Variants in CLEC12A observed in about 807,000 individuals in gnomAD.
CLEC12A encodes the protein C-type lectin domain family 12 member A.
CLEC12A carries 22 observed loss-of-function variants against 26.5 expected under a neutral mutation model. That is an observed-to-expected ratio of 0.83 (90% CI 0.59 to 1.19). CLEC12A has a LOEUF of 1.19. Among genes scored for constraint, CLEC12A ranks in the 50% most tolerant of loss-of-function variants. The pLI is 0.00. For synonymous variants in CLEC12A, 119 were observed against 101.9 expected (o/e 1.17, Z -1.01); for missense variants, 353 against 315.6 (o/e 1.12, Z -0.90).
chr12:9,993,114 A>G, intron 4 of CLEC12A: 1 of 1,588,972 alleles, frequency 6.3e-7, no homozygotes, highest in Non-Finnish European at 8.6e-7. Flanking sequence ...TAAAGCCCTT[A>G]TCTGTGTTAT....
intron 5 of CLEC12A, chr12:9,984,125 A>G (rs944882150): frequency 1.1e-4 from 20 of 174,110 alleles, no homozygotes; most frequent in African/African-American, 3.1e-4. Context: ...GTGTGTGTGT[A>G]TATATATCTT....
downstream of CLEC12A, chr12:9,997,117 C>G: frequency 6.2e-7 from 1 of 1,611,482 alleles, no homozygotes; most frequent in Non-Finnish European, 8.5e-7. Context: ...GAGAAATGCT[C>G]CAGGGGTTGG....
chr12:9,963,541 C>T (rs2961535), intron 1 of CLEC12A, among the ~76,000 whole-genome samples: 84,462 of 151,188 alleles, frequency 0.56, 23,931 homozygotes, highest in South Asian at 0.68. Context: ...ATAGTGGAGG[C>T]AGAAAGTCTT....
downstream of CLEC12A, among the ~76,000 whole-genome samples, chr12:9,995,916 T>A (rs766754610): frequency 6.6e-6 from 1 of 152,188 alleles, no homozygotes; most frequent in Non-Finnish European, 1.5e-5. Context: ...TCTTACTAAC[T>A]GCATAGGTCC....
chr12:9,973,047 T>A (rs1864188622), intron 1 of CLEC12A, among the ~76,000 whole-genome samples: 1 of 152,212 alleles, frequency 6.6e-6, no homozygotes, highest in South Asian at 2.1e-4. Flanking sequence ...CTTAATCTCA[T>A]CTAATTTTCT....
At chr12:9,997,426 T>C (rs1865081275), downstream of CLEC12A, 2 of 700,870 alleles carry the variant, frequency 2.9e-6, no homozygotes, top group African/African-American at 3.6e-5. Flanking sequence ...TTGAAAAGTG[T>C]GGAGGGGCTA....
chr12:9,982,258 A>G (rs761787880), intron 5 of CLEC12A, 129 bp downstream of exon 5: 6 of 597,212 alleles, frequency 1.0e-5, no homozygotes, highest in Middle Eastern at 3.9e-4. Flanking sequence ...CTTTTCTATC[A>G]TGCTTCTTTG....
intron 1 of CLEC12A, among the ~76,000 whole-genome samples, chr12:9,954,205 TAAAAA>T (rs35173002): frequency 7.1e-4 from 46 of 64,438 alleles, no homozygotes; most frequent in African/African-American, 2.3e-3. Context: ...GAATTATCAA[TAAAAA>T]AAAAAAAAAA....
chr12:9,997,894 A>C (rs1381399239), downstream of CLEC12A, among the ~76,000 whole-genome samples: 1 of 152,212 alleles, frequency 6.6e-6, no homozygotes, highest in Non-Finnish European at 1.5e-5. Flanking sequence ...TAGAGAGAAT[A>C]GAATGAGAAA....
At chr12:9,961,589 A>C (rs922525367) in intron 1 of CLEC12A, among the ~76,000 whole-genome samples, 4 of 152,196 alleles carry the variant, frequency 2.6e-5, no homozygotes, top group South Asian at 2.1e-4. Context: ...GAGAAGGCAA[A>C]ATTTGAGGGG....
chr12:9,995,562 G>A, exon 5 of CLEC12A: 1 of 353,658 alleles, frequency 2.8e-6, no homozygotes. Flanking sequence ...ATGATTCAAA[G>A]GAATAAATGT....
intron 1 of CLEC12A, chr12:9,953,473 C>A (rs1863679176): frequency 6.8e-6 from 1 of 147,996 alleles, no homozygotes; most frequent in Non-Finnish European, 1.5e-5. Context: ...GTCAGCCCCC[C>A]CGCCCAGCCA....
intron 1 of CLEC12A, among the ~76,000 whole-genome samples, chr12:9,972,195 C>T (rs547200959): frequency 6.6e-5 from 10 of 150,490 alleles, no homozygotes; most frequent in African/African-American, 2.4e-4. Flanking sequence ...TACTAACTTA[C>T]TAAAAAATAA....
At chr12:9,976,392 A>C (rs984801173) in intron 1 of CLEC12A, among the ~76,000 whole-genome samples, 2 of 152,206 alleles carry the variant, frequency 1.3e-5, no homozygotes, top group African/African-American at 4.8e-5. Context: ...TGGATGTGAG[A>C]TATAGAGCCA....
At chr12:9,987,372 C>T (rs894437566), downstream of CLEC12A, among the ~76,000 whole-genome samples, 1 of 152,142 alleles carries the variant, frequency 6.6e-6, no homozygotes, top group African/African-American at 2.4e-5. Flanking sequence ...GTACATGGCT[C>T]TCAGGTGGAA....
intron 1 of CLEC12A, among the ~76,000 whole-genome samples, chr12:9,965,808 G>A (rs985148688): frequency 6.6e-6 from 1 of 151,958 alleles, no homozygotes; most frequent in Non-Finnish European, 1.5e-5. Context: ...CGTGCTGTGG[G>A]ATAGGATATT....
At chr12:9,967,999 G>A (rs1465283725), upstream of CLEC12A, among the ~76,000 whole-genome samples, 1 of 152,170 alleles carries the variant, frequency 6.6e-6, no homozygotes, top group African/African-American at 2.4e-5. Flanking sequence ...CTTCATCTCT[G>A]TCAGAAAAGG....
In CLEC12A at chr12:9,979,503, G is replaced by A. The variant is rs1224081272; in HGVS notation, c.358G>A (p.Glu120Lys). 4.3e-6 allele frequency: 7 copies of A among 1,611,882 alleles called. No individual in the cohort carries two copies. Among genetic ancestry groups the A allele is most frequent in the African/African-American group, 1.3e-5 (1 of 74,752 alleles). Residue 120 changes from glutamate (E) to lysine (K), a missense_variant, in exon 3 of 6, where the codon GAG (glutamate) becomes AAG (lysine). Transcript: ENST00000304361. ...LQTIATKLCR[E>K]LYSKEQEHKC... Reference sequence around the variant, plus strand: ...AACAATAGCCACCAAATTATGTCGTGAGCTATATAGCAAAGAACAAGGTAA... The same window carrying A: ...AACAATAGCCACCAAATTATGTCGTAAGCTATATAGCAAAGAACAAGGTAA...
chr12:9,992,439 G>C (rs768810447), intron 4 of CLEC12A: 2 of 152,058 alleles, frequency 1.3e-5, no homozygotes, highest in Admixed American at 6.6e-5. Flanking sequence ...CTTATACAAA[G>C]AGAAACAAAT....
Sources: allele counts gnomAD v4.1 joint callset (sites outside exome capture counted in the v4.1 genomes callset), GRCh38; gene constraint gnomAD v4.1.1; transcripts MANE v1.5; gene names NCBI Gene and HGNC (gene_info 2026-07-23, HGNC 2026-07-21).